Variants in FBXL2 observed in about 807,000 individuals in gnomAD.
FBXL2 encodes the protein F-box and leucine rich repeat protein 2.
A neutral mutation model predicts 69.2 loss-of-function variants in FBXL2; 38 were observed. The ratio of observed to expected loss-of-function variants is 0.55; its 90% confidence interval spans 0.42 to 0.72. The LOEUF (loss-of-function observed/expected upper bound fraction) is 0.72. Ranked by LOEUF, FBXL2 falls within the 30% of genes least tolerant of loss-of-function variation. FBXL2 has a pLI of 0.00. For missense variants in FBXL2, 354 were observed against 520.3 expected, an observed-to-expected ratio of 0.68 and a Z score of 3.11; for synonymous variants, 192 against 201.3, an observed-to-expected ratio of 0.95 and a Z score of 0.39.
downstream of FBXL2, chr3:33,392,278 A>G (rs1323922501): frequency 1.9e-5 from 6 of 316,972 alleles, no homozygotes; most frequent in East Asian, 1.1e-4. Flanking sequence ...GTTTTATTCA[A>G]TAGATCCACT....
intron 1 of FBXL2, among the ~76,000 whole-genome samples, chr3:33,295,862 T>A (rs1284841151): frequency 2.0e-5 from 3 of 152,276 alleles, no homozygotes; most frequent in Admixed American, 1.3e-4. Flanking sequence ...ATTGGCCATT[T>A]ACATATCTTC....
chr3:33,377,254 G>C lies in FBXL2; in HGVS notation c.789-19G>C. The C allele has an allele frequency of 6.2e-7, 1 of 1,613,296 alleles. No individual in the cohort carries two copies. The highest frequency in any genetic ancestry group is 1.1e-5 in the South Asian group (1 of 91,042). On this transcript the variant is annotated intron_variant, in intron 10 of 14. Transcript: ENST00000484457. ...ACTAGTTGGTACCGTTTTCTCCCCT[G>C]TACCCACTTTCTCCTCAGAATTTTG...
chr3:33,313,912 G>C (rs2125771722), intron 2 of FBXL2, among the ~76,000 whole-genome samples: 1 of 152,240 alleles, frequency 6.6e-6, no homozygotes, highest in East Asian at 1.9e-4. Context: ...TTTTATACTT[G>C]AAGGTCAATT....
intron 12 of FBXL2, chr3:33,401,097 T>C: frequency 7.4e-7 from 1 of 1,343,928 alleles, no homozygotes; most frequent in Non-Finnish European, 1.0e-6. Flanking sequence ...AGCTGTTGCA[T>C]TGTAACTATG....
At chr3:33,362,948 GA>G (rs575806156) in intron 4 of FBXL2, among the ~76,000 whole-genome samples, 1 of 139,000 alleles carries the variant, frequency 7.2e-6, no homozygotes, top group Non-Finnish European at 1.5e-5. Context: ...GTAGTCTCAA[GA>G]AAGTATAAAT....
chr3:33,407,819 T>C (rs2044467820), downstream of FBXL2, among the ~76,000 whole-genome samples: 1 of 152,244 alleles, frequency 6.6e-6, no homozygotes, highest in Non-Finnish European at 1.5e-5. Flanking sequence ...CAGTCACGAA[T>C]ACATATGATG....
chr3:33,339,698 C>T (rs2125851338), intron 2 of FBXL2, among the ~76,000 whole-genome samples: 2 of 152,102 alleles, frequency 1.3e-5, no homozygotes, highest in East Asian at 3.9e-4. Flanking sequence ...CCACCAAACC[C>T]AAAATGAAAG....
intron 4 of FBXL2, chr3:33,364,355 G>A: frequency 4.5e-6 from 2 of 445,976 alleles, no homozygotes; most frequent in Non-Finnish European, 8.1e-6. Flanking sequence ...GCTTTCAAAA[G>A]GCAGTGTACA....
rs1465636755 is a variant in FBXL2 at position 33,375,409 on chromosome 3, C to T, written c.779C>T (p.Pro260Leu). 23 of 1,613,874 alleles carry T rather than the reference C, an allele frequency of 1.4e-5. No homozygotes were observed. Among genetic ancestry groups the T allele is most frequent in the Admixed American group, 3.3e-5 (2 of 59,994 alleles). Residue 260 changes from proline to leucine, a missense_variant, in exon 10 of 15, where the codon CCG (proline) becomes CTG (leucine). Pro to Leu is a moderately conservative substitution (Grantham distance 98, BLOSUM62 -3). Coordinates refer to ENST00000484457, the MANE Select transcript of FBXL2 (RefSeq NM_012157.5). ...ASLTALGLNCPRLQILEAARC... is the reference protein window; with the variant it reads ...ASLTALGLNCLRLQILEAARC... ...CTTACAGCCCTGGGTTTGAACTGTC[C>T]GCGACTGCAGTGAGTACACTGCACT...
chr3:33,368,833 TC>T (rs2042114327), intron 5 of FBXL2, among the ~76,000 whole-genome samples: 1 of 152,126 alleles, frequency 6.6e-6, no homozygotes, highest in Non-Finnish European at 1.5e-5. Flanking sequence ...TGATCCGCCT[TC>T]CTTGGCCTCC....
At chr3:33,347,018 A>G (rs1302672844) in intron 2 of FBXL2, among the ~76,000 whole-genome samples, 3 of 152,182 alleles carry the variant, frequency 2.0e-5, no homozygotes, top group East Asian at 3.8e-4. Context: ...ATTATTGACT[A>G]TAGTCACTCT....
chr3:33,419,952 T>A, the FBXL2 span, among the ~76,000 whole-genome samples: 2 of 152,222 alleles, frequency 1.3e-5, no homozygotes, highest in Non-Finnish European at 2.9e-5. Context: ...TTTCATGTTT[T>A]ATTTTTTGTT....
At chr3:33,398,664 A>G (rs1169274241) in intron 12 of FBXL2, among the ~76,000 whole-genome samples, 2 of 152,216 alleles carry the variant, frequency 1.3e-5, no homozygotes, top group Admixed American at 6.5e-5. Flanking sequence ...AGCCCCCAGG[A>G]TAAGGAAAAG....
chr3:33,286,310 C>A (rs2034609010), intron 1 of FBXL2, among the ~76,000 whole-genome samples: 1 of 152,200 alleles, frequency 6.6e-6, no homozygotes, highest in South Asian at 2.1e-4. Flanking sequence ...CCACTCCAGA[C>A]CCTGTTTGCC....
At chr3:33,418,347 A>G in the FBXL2 span, among the ~76,000 whole-genome samples, 1 of 151,982 alleles carries the variant, frequency 6.6e-6, no homozygotes, top group Admixed American at 6.5e-5. Context: ...TCCACCTCCC[A>G]GGTTCAAGCA....
chr3:33,295,905 A>G (rs1189094825), intron 1 of FBXL2, among the ~76,000 whole-genome samples: 1 of 152,138 alleles, frequency 6.6e-6, no homozygotes, highest in Non-Finnish European at 1.5e-5. Flanking sequence ...TCTTTTGCCC[A>G]TTGTAAAATT....
chr3:33,396,420 T>C, intron 12 of FBXL2: 1 of 605,744 alleles, frequency 1.7e-6, no homozygotes, highest in Non-Finnish European at 2.8e-6. Flanking sequence ...AGTAATTTAC[T>C]AATAAAAATA....
chr3:33,300,401 T>C (rs186786184), intron 2 of FBXL2: 12 of 152,374 alleles, frequency 7.9e-5, no homozygotes, highest in Non-Finnish European at 1.2e-4. Context: ...TCACTACTTA[T>C]AGCTTTTGAA....
At chr3:33,385,381 A>C in intron 14 of FBXL2, 120 bp from the exon 15 acceptor site, 1 of 903,568 alleles carries the variant, frequency 1.1e-6, no homozygotes, top group East Asian at 2.4e-5. Flanking sequence ...CTATAGCATA[A>C]ATTCTACTTC....
Sources: gnomAD v4.1 joint callset for allele counts (sites outside exome capture counted in the v4.1 genomes callset) on GRCh38, gnomAD v4.1.1 for gene constraint, MANE v1.5 for transcripts, NCBI Gene and HGNC (gene_info 2026-07-23, HGNC 2026-07-21) for gene names.